Variants in C7 observed in about 807,000 individuals in gnomAD.
C7 encodes complement component C7.
C7 carries 83 observed loss-of-function variants against 104.8 expected under a neutral mutation model. The observed-to-expected ratio is 0.79, with a 90% CI of 0.66 to 0.95. The LOEUF (loss-of-function observed/expected upper bound fraction) is 0.95, where lower values mean the gene tolerates loss of function less well. Among genes scored for constraint, C7 ranks in the 40% least tolerant of loss-of-function variants. The pLI is 0.00. For synonymous variants in C7, 415 were observed against 360.6 expected, an observed-to-expected ratio of 1.15 and a Z score of -1.71; for missense variants, 1,070 against 1,011.2, an observed-to-expected ratio of 1.06 and a Z score of -0.79.
intron 2 of C7, among the ~76,000 whole-genome samples, chr5:40,930,457 C>T (rs908642307): frequency 2.0e-5 from 3 of 151,840 alleles, no homozygotes; most frequent in South Asian, 2.1e-4. Context: ...CTGCACTCCT[C>T]GGACTCCCAA....
intron 7 of C7, among the ~76,000 whole-genome samples, chr5:40,947,372 C>T (rs1378489891): frequency 6.6e-6 from 1 of 151,914 alleles, no homozygotes; most frequent in East Asian, 1.9e-4. Flanking sequence ...AGGAGTGAGC[C>T]ACCTTGCCTG....
intron 1 of C7, among the ~76,000 whole-genome samples, chr5:40,916,771 T>C (rs974169804): frequency 2.6e-5 from 4 of 152,146 alleles, no homozygotes; most frequent in Non-Finnish European, 4.4e-5. Context: ...AAATAAAAAT[T>C]GTGTCTATTT....
chr5:40,948,176 AT>A (rs1418183283), intron 8 of C7, among the ~76,000 whole-genome samples: 1 of 152,162 alleles, frequency 6.6e-6, no homozygotes, highest in African/African-American at 2.4e-5. Flanking sequence ...TAAATGAGGA[AT>A]TTAGCAATAT....
intron 11 of C7, 123 bp downstream of exon 11, chr5:40,958,384 C>A: frequency 1.7e-6 from 1 of 577,176 alleles, no homozygotes. Context: ...ATTTAGAATC[C>A]TCCTTCCCTT....
chr5:40,945,406 CT>C (rs780777808), intron 7 of C7, 38 bp downstream of exon 7: 3 of 1,431,322 alleles, frequency 2.1e-6, no homozygotes, highest in South Asian at 1.3e-5. Flanking sequence ...CCATGTTTTA[CT>C]TTTTTAAGTA....
rs183274654 is a variant in C7 at position 40,983,653 on chromosome 5, G to A, written c.*2080G>A. ...TTGCCTGTGGAGAATTAGGATTGTCGCAGCAGGTCAGCAAGGAGAAAGTCA... is the reference window on the plus strand; with the variant it reads ...TTGCCTGTGGAGAATTAGGATTGTCACAGCAGGTCAGCAAGGAGAAAGTCA... On this transcript the variant is annotated 3_prime_UTR_variant, in exon 18 of 18. Transcript: ENST00000313164. Among the ~76,000 whole-genome samples, 42 of 152,214 alleles carry A rather than the reference G, an allele frequency of 2.8e-4. No individual in the cohort carries two copies. The highest frequency in any genetic ancestry group is 5.0e-4 in the Non-Finnish European group (34 of 68,024).
Position 40,955,490 on chromosome 5 carries a change from C to G in C7, c.1197C>G (p.Asn399Lys), listed in dbSNP as rs1383050902. 1 of 1,613,488 alleles carries G rather than the reference C, an allele frequency of 6.2e-7. No homozygotes were observed. Among genetic ancestry groups the G allele is most frequent in the South Asian group, 1.1e-5 (1 of 91,002 alleles). ...SYLELDNPAG[N>K]KRRYSAWAES... The stretch of plus-strand genomic sequence containing the variant: ...TAGAGCTGGACAATCCTGCTGGAAA[C>G]AAAAGGCGATATTCTGCCTGGGCAG... The change falls in exon 10 of 18, where the codon AAC (asparagine) becomes AAG (lysine). Residue 399 changes from asparagine (N) to lysine (K), a missense_variant. Coordinates refer to ENST00000313164, the MANE Select transcript of C7 (RefSeq NM_000587.4).
At position 40,979,964 on chromosome 5, in the gene C7, G is replaced by C. The variant is rs985857417; in HGVS notation, c.2350+55G>C. ...AGAATGCTAAAGTCACAGTACTGAG[G>C]ATTTAAAAAATGTGGTTTCTAGTTT... On this transcript the variant is annotated intron_variant, in intron 17 of 17. Transcript: ENST00000313164. 5 of 1,440,796 alleles carry C rather than the reference G, an allele frequency of 3.5e-6. No homozygotes were observed. In the South Asian group the frequency reaches 7.7e-5, roughly 22 times the overall value. The allele number at this position is 1,440,796 out of a possible 1,614,324, so 89.3% of individuals were successfully genotyped here.
intron 10 of C7, among the ~76,000 whole-genome samples, chr5:40,956,195 A>G (rs149135927): frequency 1.3e-5 from 2 of 152,214 alleles, no homozygotes; most frequent in Admixed American, 6.5e-5. Context: ...GGTTTTATAC[A>G]TGTTAAATTA....
chr5:40,972,577 C>T lies in C7; in HGVS notation c.2057C>T (p.Ala686Val). The T allele has an allele frequency of 6.2e-7, 1 of 1,602,550 alleles. No individual in the cohort carries two copies. Among genetic ancestry groups the T allele is most frequent in the South Asian group, 1.1e-5 (1 of 88,690 alleles). The change falls in exon 15 of 18, where the codon GCC becomes GTC. Residue 686 changes from alanine (A) to valine (V), a missense_variant. Ala to Val is a moderately conservative substitution (Grantham distance 64, BLOSUM62 0). Coordinates refer to ENST00000313164, the MANE Select transcript of C7 (RefSeq NM_000587.4). ...AAGTGGAGTCCTGAGATGAAGAATG[C>T]CCGCTGTGTACAAAAAGGTGAGTGG... ...SLKWSPEMKNARCVQKENPLT... is the reference protein window; with the variant it reads ...SLKWSPEMKNVRCVQKENPLT...
chr5:40,972,609 T>C lies in C7; in HGVS notation c.2074+15T>C, dbSNP rs1371444070. The C allele has an allele frequency of 1.0e-5, 16 of 1,575,200 alleles. No individual in the cohort carries two copies. The highest frequency in any genetic ancestry group is 1.4e-5 in the Non-Finnish European group (16 of 1,161,960). On this transcript the variant is annotated intron_variant, in intron 15 of 17. Coordinates refer to ENST00000313164, the MANE Select transcript of C7 (RefSeq NM_000587.4). The stretch of plus-strand genomic sequence containing the variant: ...TGTACAAAAAGGTGAGTGGCTTCCA[T>C]GTCTATCCAAGGACACTTGTACCCA...
At chr5:40,971,581 T>C (rs1307456307) in intron 14 of C7, among the ~76,000 whole-genome samples, 2 of 152,234 alleles carry the variant, frequency 1.3e-5, no homozygotes, top group East Asian at 3.8e-4. Context: ...GCAGAAGCTC[T>C]TTAGTTTAAT....
At position 40,930,282 on chromosome 5, in the gene C7, T is replaced by A. The variant is rs141224103; in HGVS notation, c.63-782T>A. On this transcript the variant is annotated intron_variant, in intron 2 of 17. Transcript: ENST00000313164. Reference sequence around the variant, plus strand: ...GTGCAGTGGTGCAATCTCAGCTCACTGCAACCTCTGCCTCCCAGGTTCAAG... The same window carrying A: ...GTGCAGTGGTGCAATCTCAGCTCACAGCAACCTCTGCCTCCCAGGTTCAAG... Among the ~76,000 whole-genome samples the A allele has an allele frequency of 3.4e-3, 493 of 146,948 alleles. 1 individual carries two copies. Among genetic ancestry groups the A allele is most frequent in the African/African-American group, 0.012 (472 of 39,640 alleles).
chr5:40,937,845 G>GT (rs1739849884), intron 6 of C7, among the ~76,000 whole-genome samples, 155 bp downstream of exon 6: 1 of 152,130 alleles, frequency 6.6e-6, no homozygotes, highest in Non-Finnish European at 1.5e-5. Context: ...TATACACAGT[G>GT]TTTTTGCTTT....
In C7 at chr5:40,977,871, C is replaced by T. The variant is rs533756009; in HGVS notation, c.2165+1031C>T. ...ACACATGACCTGGTGCGGTGGCTCACGCCTGCACTCCCAGCACTTTGGGAG... is the reference window on the plus strand; with the variant it reads ...ACACATGACCTGGTGCGGTGGCTCATGCCTGCACTCCCAGCACTTTGGGAG... On this transcript the variant is annotated intron_variant, in intron 16 of 17. Coordinates refer to ENST00000313164, the MANE Select transcript of C7 (RefSeq NM_000587.4). 1.3e-4 allele frequency among the ~76,000 whole-genome samples: 20 copies of T among 152,194 alleles called. No individual in the cohort carries two copies. In the East Asian group the frequency reaches 3.3e-3, roughly 25 times the overall value.
intron 14 of C7, among the ~76,000 whole-genome samples, chr5:40,968,710 C>A (rs1740627254): frequency 6.8e-6 from 1 of 146,334 alleles, no homozygotes; most frequent in Non-Finnish European, 1.5e-5. Context: ...CTCCTGGGCT[C>A]AAGCAATTCT....
intron 5 of C7, 113 bp from the exon 6 acceptor site, chr5:40,937,439 A>G (rs1739838979): frequency 9.8e-7 from 1 of 1,018,826 alleles, no homozygotes; most frequent in African/African-American, 1.6e-5. Flanking sequence ...TTTAAGTGTA[A>G]TGCATTTTAA....
chr5:40,972,846 T>G (rs1430965651), intron 15 of C7, among the ~76,000 whole-genome samples: 4 of 152,232 alleles, frequency 2.6e-5, no homozygotes, highest in African/African-American at 9.6e-5. Context: ...TTGTGAAAGA[T>G]TAGCTTTATA....
chr5:40,964,954 T>C (rs188539916), intron 14 of C7, 81 bp downstream of exon 14: 95 of 1,500,854 alleles, frequency 6.3e-5, no homozygotes, highest in Admixed American at 1.2e-4. Flanking sequence ...ACACTCACCA[T>C]ATGGCCCATG....
Sources: allele counts gnomAD v4.1 joint callset (sites outside exome capture counted in the v4.1 genomes callset), GRCh38; gene constraint gnomAD v4.1.1; transcripts MANE v1.5; gene names NCBI Gene and HGNC (gene_info 2026-07-23, HGNC 2026-07-21).